Variants in GRM7 observed in about 807,000 individuals in gnomAD.
GRM7 encodes the protein glutamate metabotropic receptor 7.
Under a neutral mutation model 84.5 loss-of-function variants are expected in GRM7, and 35 were observed. That is an observed-to-expected ratio of 0.41 (90% CI 0.32 to 0.55). The LOEUF is 0.55. GRM7 is among the 20% of genes least tolerant of loss of function. The pLI is 0.19. For synonymous variants in GRM7, 487 were observed against 455.1 expected (o/e 1.07, Z -0.89); for missense variants, 1,003 against 1,194.6 (o/e 0.84, Z 2.36).
At chr3:7,673,789 A>C (rs1043392745) in intron 8 of GRM7, among the ~76,000 whole-genome samples, 1 of 152,230 alleles carries the variant, frequency 6.6e-6, no homozygotes, top group Non-Finnish European at 1.5e-5. Flanking sequence ...TTCTGCAAGC[A>C]GCAGCTTACC....
chr3:7,216,247 A>G (rs1696606063), intron 2 of GRM7, among the ~76,000 whole-genome samples: 1 of 152,196 alleles, frequency 6.6e-6, no homozygotes, highest in African/African-American at 2.4e-5. Context: ...AGAAAGCAAA[A>G]TATGTAAATG....
At chr3:7,360,442 AT>A (rs1221494338) in intron 4 of GRM7, among the ~76,000 whole-genome samples, 1 of 152,148 alleles carries the variant, frequency 6.6e-6, no homozygotes, top group Non-Finnish European at 1.5e-5. Context: ...CAGATAAAAA[AT>A]AATTGGGGTT....
At chr3:6,937,940 C>T (rs998131633) in intron 1 of GRM7, among the ~76,000 whole-genome samples, 1 of 152,156 alleles carries the variant, frequency 6.6e-6, no homozygotes, top group African/African-American at 2.4e-5. Context: ...TCACAAGTCT[C>T]TTAATAAGTA....
At chr3:7,182,336 T>C (rs1695367102) in intron 2 of GRM7, among the ~76,000 whole-genome samples, 2 of 152,212 alleles carry the variant, frequency 1.3e-5, no homozygotes, top group East Asian at 1.9e-4. Flanking sequence ...TCAGCTGCTC[T>C]GTAATTAGCT....
At chr3:7,574,629 G>C (rs576270712) in intron 7 of GRM7, among the ~76,000 whole-genome samples, 1 of 152,202 alleles carries the variant, frequency 6.6e-6, no homozygotes, top group Non-Finnish European at 1.5e-5. Context: ...AGAAGCTGAC[G>C]TACTTGCATC....
intron 1 of GRM7, among the ~76,000 whole-genome samples, chr3:6,933,794 C>T (rs1220681529): frequency 6.6e-6 from 1 of 150,832 alleles, no homozygotes; most frequent in Non-Finnish European, 1.5e-5. Context: ...CAAAACTGTG[C>T]CAGAGTGGTA....
intron 4 of GRM7, among the ~76,000 whole-genome samples, chr3:7,364,686 A>T (rs138181251): frequency 1.3e-5 from 2 of 151,850 alleles, no homozygotes; most frequent in Non-Finnish European, 2.9e-5. Flanking sequence ...TAAAAATTAA[A>T]AGTTGTTTGG....
chr3:6,864,953 T>C (rs996051300), intron 1 of GRM7, among the ~76,000 whole-genome samples: 10 of 152,222 alleles, frequency 6.6e-5, no homozygotes, highest in Non-Finnish European at 1.3e-4. Flanking sequence ...TAGCAAGTCC[T>C]CTTTCTCTCC....
chr3:7,510,295 G>A (rs1000213521), intron 7 of GRM7, among the ~76,000 whole-genome samples: 3 of 152,090 alleles, frequency 2.0e-5, no homozygotes, highest in Admixed American at 6.6e-5. Flanking sequence ...AGAACATTCT[G>A]TATAGCCACA....
intron 4 of GRM7, among the ~76,000 whole-genome samples, chr3:7,341,767 A>G (rs561068951): frequency 1.0e-3 from 153 of 152,244 alleles, no homozygotes; most frequent in African/African-American, 3.4e-3. Context: ...AGACAAAACT[A>G]TTTGGATAGG....
chr3:6,900,312 C>T (rs1696337897), intron 1 of GRM7, among the ~76,000 whole-genome samples: 2 of 152,170 alleles, frequency 1.3e-5, no homozygotes, highest in Non-Finnish European at 2.9e-5. Flanking sequence ...ACTTCAGTTT[C>T]TGTATATTTG....
chr3:7,349,854 ATATAT>A (rs912415174), intron 4 of GRM7, among the ~76,000 whole-genome samples: 59 of 152,240 alleles, frequency 3.9e-4, no homozygotes, highest in African/African-American at 1.4e-3. Context: ...ATATGGATTC[ATATAT>A]TAGGTTAGAT....
chr3:7,487,307 C>T (rs1410360354), intron 7 of GRM7, among the ~76,000 whole-genome samples: 2 of 152,052 alleles, frequency 1.3e-5, no homozygotes, highest in Non-Finnish European at 2.9e-5. Flanking sequence ...CAGACTTAAC[C>T]ATGTAAATAG....
intron 7 of GRM7, among the ~76,000 whole-genome samples, chr3:7,483,471 G>C (rs968009609): frequency 6.6e-6 from 1 of 152,192 alleles, no homozygotes; most frequent in South Asian, 2.1e-4. Context: ...CTAGGGAGTG[G>C]AAGTGAAAGA....
chr3:7,731,504 T>C (rs532034568), intron 9 of GRM7, among the ~76,000 whole-genome samples: 1 of 152,322 alleles, frequency 6.6e-6, no homozygotes, highest in Admixed American at 6.5e-5. Flanking sequence ...TAATTATTGC[T>C]GGGCTATTGG....
At chr3:7,017,135 A>G (rs1055704112) in intron 1 of GRM7, among the ~76,000 whole-genome samples, 2 of 152,198 alleles carry the variant, frequency 1.3e-5, no homozygotes, top group African/African-American at 4.8e-5. Context: ...TCATAGAATA[A>G]TTCTAAATTC....
At chr3:6,975,933 A>G (rs1332408794) in intron 1 of GRM7, among the ~76,000 whole-genome samples, 2 of 152,330 alleles carry the variant, frequency 1.3e-5, no homozygotes, top group Non-Finnish European at 2.9e-5. Flanking sequence ...ACATGTGATC[A>G]GAATCAAGAG....
rs945585343 is a variant in GRM7, at chr3:7,486,031, A to T, written c.1515+24309A>T. ...AAACAAATACAGTAAATGTGTATTT[A>T]TTTACATACCACATCTTATAGAAGT... On this transcript the variant is annotated intron_variant, in intron 7 of 9. Transcript: ENST00000357716. The surrounding 1 kb of genome is among the most constrained non-coding windows in gnomAD (Gnocchi z 5.5). Among the ~76,000 whole-genome samples, 11 of 152,172 alleles carry T rather than the reference A, an allele frequency of 7.2e-5. No homozygotes were observed. The highest frequency in any genetic ancestry group is 2.0e-4 in the Admixed American group (3 of 15,276).
chr3:7,492,839 C>G (rs116391222), intron 7 of GRM7, among the ~76,000 whole-genome samples: 1,728 of 152,150 alleles, frequency 0.011, 30 homozygotes, highest in African/African-American at 0.04. Context: ...ATATCCCTCT[C>G]AGCTGGGCTT....
Sources: gnomAD v4.1 joint callset for allele counts (sites outside exome capture counted in the v4.1 genomes callset) on GRCh38, gnomAD v4.1.1 for gene constraint, Gnocchi (gnomAD v3.1) non-coding constraint, MANE v1.5 for transcripts, NCBI Gene and HGNC (gene_info 2026-07-23, HGNC 2026-07-21) for gene names.